The following CDH13 variants were observed in gnomAD, a reference collection of about 807,000 sequenced individuals.
CDH13 encodes the protein cadherin 13, also known as cadherin-13.
A neutral mutation model predicts 63.8 loss-of-function variants in CDH13; 24 were observed. The observed-to-expected ratio is 0.38, with a 90% CI of 0.27 to 0.53. The LOEUF is 0.53. Among genes scored for constraint, CDH13 ranks in the 20% least tolerant of loss-of-function variants. The pLI is 0.85. For missense variants in CDH13, 1,049 were observed against 903.1 expected, an observed-to-expected ratio of 1.16 and a Z score of -2.07; for synonymous variants, 503 against 355.3, an observed-to-expected ratio of 1.42 and a Z score of -4.67.
intron 2 of CDH13, among the ~76,000 whole-genome samples, chr16:83,031,362 G>A (rs377015933): frequency 3.1e-4 from 29 of 94,474 alleles, no homozygotes; most frequent in Non-Finnish European, 4.8e-4. Context: ...GTATATACAT[G>A]TACATGTATA....
intron 2 of CDH13, among the ~76,000 whole-genome samples, chr16:82,874,075 T>A (rs987975405): frequency 8.5e-5 from 13 of 152,164 alleles, no homozygotes; most frequent in Admixed American, 8.5e-4. Flanking sequence ...ATTACACGAT[T>A]CTACGAGCGG....
intron 4 of CDH13, among the ~76,000 whole-genome samples, chr16:83,191,472 T>TATATATATATGCAC (rs1555510479): frequency 5.2e-5 from 6 of 115,462 alleles, no homozygotes; most frequent in Non-Finnish European, 1.1e-4. Context: ...TATATATATA[T>TATATATATATGCAC]ATATATATAT....
intron 1 of CDH13, among the ~76,000 whole-genome samples, chr16:82,741,368 G>C (rs1056200867): frequency 4.6e-5 from 7 of 152,308 alleles, no homozygotes; most frequent in African/African-American, 1.7e-4. Flanking sequence ...TCAGAGCCCA[G>C]CTCAAACTTT....
intron 1 of CDH13, among the ~76,000 whole-genome samples, chr16:82,836,182 A>T (rs1426508807): frequency 2.0e-5 from 3 of 152,026 alleles, no homozygotes; most frequent in Non-Finnish European, 4.4e-5. Flanking sequence ...ACTGGAGTGC[A>T]TTGGCGCCCA....
At chr16:83,732,670 C>T (rs957831730) in intron 10 of CDH13, among the ~76,000 whole-genome samples, 2 of 152,192 alleles carry the variant, frequency 1.3e-5, no homozygotes, top group Admixed American at 1.3e-4. Flanking sequence ...AAACAGCTGG[C>T]ATCCTCATAC....
intron 6 of CDH13, among the ~76,000 whole-genome samples, chr16:83,465,500 C>T (rs376813236): frequency 4.6e-5 from 7 of 152,124 alleles, no homozygotes; most frequent in Non-Finnish European, 2.9e-5. Context: ...GCCACTCAGC[C>T]GGTTTTATTA....
chr16:83,205,593 A>G (rs1280424669), intron 4 of CDH13, among the ~76,000 whole-genome samples: 1 of 138,708 alleles, frequency 7.2e-6, no homozygotes, highest in East Asian at 2.2e-4. Flanking sequence ...ATGGTGCCCA[A>G]GAGGAAAACC....
chr16:83,559,148 G>C (rs1280963390), intron 7 of CDH13, among the ~76,000 whole-genome samples: 3 of 152,220 alleles, frequency 2.0e-5, no homozygotes, highest in Non-Finnish European at 4.4e-5. Context: ...GAAATGCAAA[G>C]ACTGTATTCT....
At chr16:83,440,091 A>G (rs1378352899) in intron 6 of CDH13, among the ~76,000 whole-genome samples, 4 of 152,202 alleles carry the variant, frequency 2.6e-5, no homozygotes, top group African/African-American at 2.4e-5. Context: ...GTCATTTTAA[A>G]AAGTTTGCTT....
chr16:83,635,075 C>T (rs1292114612), intron 8 of CDH13, among the ~76,000 whole-genome samples: 1 of 152,164 alleles, frequency 6.6e-6, no homozygotes, highest in Non-Finnish European at 1.5e-5. Flanking sequence ...TTCTCACCAG[C>T]ATTTGGTGTT....
At chr16:83,227,612 A>T (rs192941773) in intron 5 of CDH13, among the ~76,000 whole-genome samples, 1 of 152,170 alleles carries the variant, frequency 6.6e-6, no homozygotes, top group African/African-American at 2.4e-5. Flanking sequence ...CAGATGCGTG[A>T]CTGCTCTGGA....
chr16:83,412,626 C>T lies in CDH13; in HGVS notation c.781+67620C>T, dbSNP rs146351716. Among the ~76,000 whole-genome samples, 42 of 152,180 alleles carry T rather than the reference C, an allele frequency of 2.8e-4. No homozygotes were observed. In the East Asian group the frequency reaches 6.8e-3, roughly 25 times the overall value. On this transcript the variant is annotated intron_variant, in intron 6 of 13. Coordinates refer to ENST00000567109, the MANE Select transcript of CDH13 (RefSeq NM_001257.5). ...GGTCCCCGAAGAAAGAAGATCTCAG[C>T]GGGGAGAAGGTGGGGTGGGGCACAT... is the stretch of plus-strand genomic sequence containing the variant.
At chr16:83,727,146 A>T (rs889624984) in intron 10 of CDH13, among the ~76,000 whole-genome samples, 3 of 152,066 alleles carry the variant, frequency 2.0e-5, no homozygotes. Flanking sequence ...AGCACCCTAA[A>T]GAGAAGCCCC....
chr16:83,741,232 A>G (rs575594605), intron 10 of CDH13, among the ~76,000 whole-genome samples: 98 of 152,084 alleles, frequency 6.4e-4, no homozygotes, highest in Non-Finnish European at 1.2e-3. Flanking sequence ...CTATTTTAAG[A>G]TAGTGTATTT....
At chr16:83,177,816 A>G (rs2038189296) in intron 4 of CDH13, among the ~76,000 whole-genome samples, 1 of 152,206 alleles carries the variant, frequency 6.6e-6, no homozygotes, top group Non-Finnish European at 1.5e-5. Context: ...TGCTCTCATG[A>G]AGCACTTACC....
At chr16:83,061,058 C>A (rs565521419) in intron 3 of CDH13, among the ~76,000 whole-genome samples, 1 of 152,158 alleles carries the variant, frequency 6.6e-6, no homozygotes, top group Non-Finnish European at 1.5e-5. Context: ...GGAATAAATA[C>A]GGGGACTAAG....
intron 3 of CDH13, among the ~76,000 whole-genome samples, chr16:83,115,042 G>A (rs1392669797): frequency 1.3e-5 from 2 of 152,152 alleles, no homozygotes; most frequent in Non-Finnish European, 2.9e-5. Context: ...TGTTCTCTCT[G>A]GGAAAATGTT....
chr16:83,267,903 C>T (rs868158542), intron 5 of CDH13, among the ~76,000 whole-genome samples: 1 of 152,224 alleles, frequency 6.6e-6, no homozygotes, highest in South Asian at 2.1e-4. Context: ...GCTCTCATAC[C>T]TCATTGGCCA....
chr16:83,229,628 C>G (rs1175815467), intron 5 of CDH13, among the ~76,000 whole-genome samples: 4 of 152,030 alleles, frequency 2.6e-5, no homozygotes, highest in Admixed American at 2.0e-4. Context: ...GAAGGCGTAT[C>G]TTTTCTCCCA....
Sources: allele counts gnomAD v4.1 joint callset (sites outside exome capture counted in the v4.1 genomes callset), GRCh38; gene constraint gnomAD v4.1.1; transcripts MANE v1.5; gene names NCBI Gene and HGNC (gene_info 2026-07-23, HGNC 2026-07-21).